The following SRGAP2 variants were observed in gnomAD, a reference collection of about 807,000 sequenced individuals.
The protein encoded by SRGAP2 is SLIT-ROBO Rho GTPase activating protein 2.
A neutral mutation model predicts 57.2 loss-of-function variants in SRGAP2; 15 were observed. That is an observed-to-expected ratio of 0.26 (90% CI 0.18 to 0.40). SRGAP2 has a LOEUF of 0.40. SRGAP2 is among the 10% of genes least tolerant of loss of function. The pLI is 1.00. For missense variants in SRGAP2, 520 were observed against 669.6 expected (o/e 0.78, Z 2.47); for synonymous variants, 249 against 248.0 (o/e 1.00, Z -0.04).
At chr1:206,421,161 A>C in intron 12 of SRGAP2, 89 bp from the exon 13 acceptor site, 1 of 692,820 alleles carries the variant, frequency 1.4e-6, no homozygotes, top group Non-Finnish European at 2.7e-6. Context: ...TGGGTTTAAG[A>C]GTGATTGTTT....
At chr1:206,445,911 A>G (rs1662716199) in intron 17 of SRGAP2, among the ~76,000 whole-genome samples, 164 bp from the exon 18 acceptor site, 1 of 152,178 alleles carries the variant, frequency 6.6e-6, no homozygotes, top group Non-Finnish European at 1.5e-5. Context: ...TCTGGTTGTC[A>G]GTTTTCTCCC....
At chr1:206,455,505 T>A (rs977223638) in intron 21 of SRGAP2, 1 of 181,318 alleles carries the variant, frequency 5.5e-6, no homozygotes, top group South Asian at 1.0e-4. Context: ...CCAGGTGGGT[T>A]TATTGAGATA....
intron 2 of SRGAP2, among the ~76,000 whole-genome samples, chr1:206,210,890 G>A (rs188924323): frequency 1.3e-5 from 2 of 151,658 alleles, no homozygotes; most frequent in African/African-American, 4.8e-5. Flanking sequence ...CTTGCTCAGG[G>A]GAAAAAACAA....
intron 18 of SRGAP2, among the ~76,000 whole-genome samples, chr1:206,447,937 A>G (rs1382905350): frequency 6.6e-6 from 1 of 152,138 alleles, no homozygotes; most frequent in Non-Finnish European, 1.5e-5. Context: ...TGTGCACTCA[A>G]CATTTATTAG....
intron 2 of SRGAP2, among the ~76,000 whole-genome samples, chr1:206,292,090 G>T: frequency 6.6e-6 from 1 of 151,986 alleles, no homozygotes; most frequent in Admixed American, 6.6e-5. Context: ...ACAAGAGATT[G>T]CTTATAAGTT....
intron 2 of SRGAP2, among the ~76,000 whole-genome samples, chr1:206,277,976 CAA>C (rs1355105445): frequency 4.0e-5 from 5 of 124,164 alleles, no homozygotes; most frequent in Admixed American, 8.3e-5. Flanking sequence ...GAGACTGTCT[CAA>C]AAAAAAAAAA....
At chr1:206,412,833 G>A (rs940391092) in intron 10 of SRGAP2, among the ~76,000 whole-genome samples, 2 of 152,182 alleles carry the variant, frequency 1.3e-5, no homozygotes, top group Non-Finnish European at 2.9e-5. Context: ...GGGTGGGATA[G>A]GGGAGTGATA....
In SRGAP2 at chr1:206,372,977, CTTTCTTTCTTT is replaced by C. The variant is rs1654783891; in HGVS notation, c.424-11036_424-11026del. 6.4e-4 allele frequency among the ~76,000 whole-genome samples: 26 copies of C among 40,358 alleles called. 2 individuals are homozygous for C. The highest frequency in any genetic ancestry group is 2.2e-3 in the African/African-American group (20 of 9,114). The allele number at this position is 40,358 out of a possible 152,430, so 26.5% of individuals were successfully genotyped here. ...TTTCTTTTCTTTCCTTTCTTTCTTTCTTTCTTTCTTTCTTTCTTTCTTTCTTTCTTTCTTTC... is the reference window on the plus strand; with the variant it reads ...TTTCTTTTCTTTCCTTTCTTTCTTTCCTTTCTTTCTTTCTTTCTTTCTTTC... On this transcript the variant is annotated intron_variant, in intron 4 of 22. Transcript: ENST00000573034.
chr1:206,277,638 TCCGTGA>T (rs1670488328), intron 2 of SRGAP2, among the ~76,000 whole-genome samples: 2 of 147,204 alleles, frequency 1.4e-5, no homozygotes, highest in African/African-American at 5.1e-5. Context: ...TGTAATGCTG[TCCGTGA>T]ACATTTGCAT....
chr1:206,458,753 A>G lies in SRGAP2; in HGVS notation c.2638A>G (p.Ile880Val), dbSNP rs201372620. 28 of 780,626 alleles carry G rather than the reference A, an allele frequency of 3.6e-5. No homozygotes were observed. The highest frequency in any genetic ancestry group is 6.2e-5 in the Non-Finnish European group (26 of 417,966). The allele number at this position is 780,626 out of a possible 1,614,324, so 48.4% of individuals were successfully genotyped here. A position where few individuals can be genotyped will look rare whatever the true frequency, so the allele number is the denominator to read the frequency against. Residue 880 changes from isoleucine to valine, a missense_variant, in exon 22 of 23, where the codon ATC becomes GTC. Ile to Val is a conservative substitution (Grantham distance 29). Around this residue, in one of 5 missense-constraint regions of SRGAP2, gnomAD observed 478 missense variants for 373.6 expected, o/e 1.28. Coordinates refer to ENST00000573034, the MANE Select transcript of SRGAP2 (RefSeq NM_015326.5). ...TAGCTGCCGCCCATCCTCCCAGCCC[A>G]TCATGAGCCAGAGCCTCCCCAAAGA... Reference protein sequence around the residue: ...GASCRPSSQPIMSQSLPKEGP... With the variant: ...GASCRPSSQPVMSQSLPKEGP...
chr1:206,378,876 G>A (rs1553346023), intron 4 of SRGAP2, among the ~76,000 whole-genome samples: 2 of 152,188 alleles, frequency 1.3e-5, no homozygotes, highest in African/African-American at 2.4e-5. Flanking sequence ...GGACACATAA[G>A]TACTTTTATT....
intron 4 of SRGAP2, among the ~76,000 whole-genome samples, chr1:206,366,718 C>G (rs1266173871): frequency 6.7e-6 from 1 of 149,720 alleles, no homozygotes. Context: ...ATTAAGGGGA[C>G]TCCTGAAAGC....
intron 5 of SRGAP2, among the ~76,000 whole-genome samples, chr1:206,391,123 A>G (rs1338024784): frequency 6.6e-6 from 1 of 150,904 alleles, no homozygotes; most frequent in African/African-American, 2.5e-5. Context: ...TAACTACTAG[A>G]TGCCAGTAGC....
At chr1:206,459,630 A>G (rs1664104666) in intron 22 of SRGAP2, among the ~76,000 whole-genome samples, 1 of 152,160 alleles carries the variant, frequency 6.6e-6, no homozygotes, top group Non-Finnish European at 1.5e-5. Context: ...GGCCACTCCA[A>G]GCAGTTCACT....
intron 14 of SRGAP2, among the ~76,000 whole-genome samples, chr1:206,432,260 G>A (rs536205775): frequency 1.3e-5 from 2 of 152,306 alleles, no homozygotes; most frequent in South Asian, 2.1e-4. Flanking sequence ...CAGCCACAGT[G>A]CGTGAGTGCT....
At chr1:206,313,468 A>AG (rs1672821792) in intron 3 of SRGAP2, among the ~76,000 whole-genome samples, 1 of 140,058 alleles carries the variant, frequency 7.1e-6, no homozygotes, top group South Asian at 2.5e-4. Context: ...GGCTCTTGAG[A>AG]GGGAGGGGAA....
intron 4 of SRGAP2, among the ~76,000 whole-genome samples, chr1:206,370,550 A>T (rs1471463677): frequency 1.3e-5 from 2 of 152,128 alleles, no homozygotes; most frequent in African/African-American, 4.8e-5. Context: ...GAGTATGCAA[A>T]TCTATAGAGA....
At chr1:206,457,464 G>A (rs1663935356) in intron 21 of SRGAP2, among the ~76,000 whole-genome samples, 1 of 152,170 alleles carries the variant, frequency 6.6e-6, no homozygotes, top group Non-Finnish European at 1.5e-5. Context: ...GTGCAGTGGT[G>A]CCAGTGCAGT....
intron 3 of SRGAP2, among the ~76,000 whole-genome samples, chr1:206,335,685 C>A (rs1374726303): frequency 6.6e-6 from 1 of 150,650 alleles, no homozygotes; most frequent in Non-Finnish European, 1.5e-5. Context: ...AGAGAAGGAG[C>A]CTGGACAATA....
Sources: allele counts gnomAD v4.1 joint callset (sites outside exome capture counted in the v4.1 genomes callset), GRCh38; gene constraint gnomAD v4.1.1; regional missense constraint gnomAD v4.1.1; transcripts MANE v1.5; gene names NCBI Gene and HGNC (gene_info 2026-07-23, HGNC 2026-07-21).